Variants in RAMP1 observed in about 807,000 individuals in gnomAD.
RAMP1 encodes the protein receptor activity modifying protein 1.
Under a neutral mutation model 8.2 loss-of-function variants are expected in RAMP1, and 7 were observed. That is an observed-to-expected ratio of 0.85 (90% CI 0.49 to 1.60). The LOEUF is 1.60. Ranked by LOEUF, RAMP1 falls within the 40% of genes most tolerant of loss-of-function variation. The pLI is 0.00. For missense variants in RAMP1, 192 were observed against 202.4 expected (o/e 0.95, Z 0.31); for synonymous variants, 92 against 84.7 (o/e 1.09, Z -0.47).
chr2:237,859,779 G>A (rs2062114232), intron 1 of RAMP1, 52 bp downstream of exon 1: 4 of 1,466,320 alleles, frequency 2.7e-6, no homozygotes, highest in Non-Finnish European at 2.7e-6. Flanking sequence ...GCCAGCCGGT[G>A]TCCTCTAGGG....
chr2:237,861,663 C>T (rs1206194732), intron 1 of RAMP1, among the ~76,000 whole-genome samples: 1 of 152,058 alleles, frequency 6.6e-6, no homozygotes, highest in Non-Finnish European at 1.5e-5. Context: ...GCCTGGCCAA[C>T]ATGGTGAAAC....
intron 2 of RAMP1, among the ~76,000 whole-genome samples, chr2:237,893,656 C>T (rs573635723): frequency 7.9e-5 from 12 of 152,222 alleles, no homozygotes; most frequent in African/African-American, 2.2e-4. Flanking sequence ...AAAGTAGTTT[C>T]GGCCGGGTAT....
At chr2:237,906,515 C>G (rs1297028831) in intron 2 of RAMP1, among the ~76,000 whole-genome samples, 1 of 152,126 alleles carries the variant, frequency 6.6e-6, no homozygotes, top group African/African-American at 2.4e-5. Flanking sequence ...GATCCATTTA[C>G]TCACTTTCTA....
chr2:237,895,317 G>A (rs1037045976), intron 2 of RAMP1, among the ~76,000 whole-genome samples: 46 of 152,166 alleles, frequency 3.0e-4, no homozygotes, highest in African/African-American at 1.1e-3. Flanking sequence ...GAATGGCATG[G>A]TGGTGGCCCT....
chr2:237,876,355 C>T (rs1177565325), intron 1 of RAMP1, among the ~76,000 whole-genome samples: 1 of 152,200 alleles, frequency 6.6e-6, no homozygotes, highest in Non-Finnish European at 1.5e-5. Context: ...TGGGTGCCCC[C>T]AGCGTCTCCC....
In RAMP1 at chr2:237,859,653, T is replaced by A. The variant is rs540692546; in HGVS notation, c.-23T>A. The A allele has an allele frequency of 8.3e-5, 120 of 1,451,590 alleles. No homozygotes were observed. The African/African-American group carries it at 1.6e-3, about 19-fold the overall frequency. The allele number at this position is 1,451,590 out of a possible 1,614,324, so 89.9% of individuals were successfully genotyped here. ...TCAGCGGGGCGCGTGGCGAGCGGAC[T>A]CGACTCGGCACCGCTGTGCACCATG... On this transcript the variant is annotated 5_prime_UTR_variant, in exon 1 of 3. Coordinates refer to ENST00000254661, the MANE Select transcript of RAMP1 (RefSeq NM_005855.4).
At chr2:237,866,152 G>A (rs963309855) in intron 1 of RAMP1, among the ~76,000 whole-genome samples, 2 of 152,012 alleles carry the variant, frequency 1.3e-5, no homozygotes, top group South Asian at 2.1e-4. Flanking sequence ...CCACCCCCAC[G>A]TCTGCATCCA....
chr2:237,890,617 C>G (rs1172294051), intron 2 of RAMP1, among the ~76,000 whole-genome samples: 1 of 152,232 alleles, frequency 6.6e-6, no homozygotes, highest in Non-Finnish European at 1.5e-5. Flanking sequence ...ACTTCCTCCA[C>G]TATTGATTTA....
intron 2 of RAMP1, among the ~76,000 whole-genome samples, chr2:237,897,741 G>C (rs907224088): frequency 6.9e-6 from 1 of 145,346 alleles, no homozygotes; most frequent in Non-Finnish European, 1.5e-5. Flanking sequence ...TCTCGTGGAT[G>C]CTGTCATTCT....
At chr2:237,910,604 C>G (rs1189894777) in intron 2 of RAMP1, among the ~76,000 whole-genome samples, 1 of 148,518 alleles carries the variant, frequency 6.7e-6, no homozygotes, top group Non-Finnish European at 1.5e-5. Flanking sequence ...AACACAGTCA[C>G]ACAGTCACAC....
intron 2 of RAMP1, among the ~76,000 whole-genome samples, chr2:237,889,311 G>A (rs1041138983): frequency 1.3e-5 from 2 of 152,194 alleles, no homozygotes; most frequent in African/African-American, 2.4e-5. Flanking sequence ...TATGTTCTGT[G>A]TCTTTGTAGT....
chr2:237,912,102 T>A lies in RAMP1; in HGVS notation c.*319T>A. On this transcript the variant is annotated 3_prime_UTR_variant, in exon 3 of 3. Transcript: ENST00000254661. ...TGGTTTGTGATTAAAAGGGATGTTC[T>A]TGAACTTGGAAAGACTCATTATCTC... is the stretch of plus-strand genomic sequence containing the variant. 2.7e-6 allele frequency: 1 copy of A among 367,556 alleles called. No individual in the cohort carries two copies. Among genetic ancestry groups the A allele is most frequent in the Non-Finnish European group, 5.0e-6 (1 of 199,850 alleles). The allele number at this position is 367,556 out of a possible 1,614,324, so 22.8% of individuals were successfully genotyped here.
intron 1 of RAMP1, among the ~76,000 whole-genome samples, chr2:237,874,020 TCCC>T (rs1478873824): frequency 6.6e-6 from 1 of 152,146 alleles, no homozygotes; most frequent in African/African-American, 2.4e-5. Context: ...GGTATGGCAG[TCCC>T]GCCCCTTGGG....
intron 1 of RAMP1, among the ~76,000 whole-genome samples, chr2:237,872,244 C>A (rs982314285): frequency 6.6e-6 from 1 of 152,210 alleles, no homozygotes. Context: ...CTCGGCCTGC[C>A]CTGGTGCTGC....
At position 237,862,414 on chromosome 2, in the gene RAMP1, C is replaced by T. The variant is rs1415378299; in HGVS notation, c.52+2687C>T. ...GCATGCCTGTCAGCGTGCTTATTAC[C>T]AGTCCGAGGCCAGGGCTGTTGAGAA... On this transcript the variant is annotated intron_variant, in intron 1 of 2. Coordinates refer to ENST00000254661, the MANE Select transcript of RAMP1 (RefSeq NM_005855.4). This position sits in a 1 kb window ranked among gnomAD's most constrained non-coding sequence, Gnocchi z 4.0. 6.6e-6 allele frequency among the ~76,000 whole-genome samples: 1 copy of T among 152,176 alleles called. No individual in the cohort carries two copies. The highest frequency in any genetic ancestry group is 1.5e-5 in the Non-Finnish European group (1 of 68,026).
At chr2:237,902,635 G>C (rs955711388) in intron 2 of RAMP1, among the ~76,000 whole-genome samples, 17 of 151,962 alleles carry the variant, frequency 1.1e-4, no homozygotes, top group African/African-American at 3.9e-4. Flanking sequence ...CCAACGCCCC[G>C]TCCCCGCTCC....
intron 1 of RAMP1, among the ~76,000 whole-genome samples, chr2:237,873,620 T>C (rs13403325): frequency 0.026 from 3,996 of 152,294 alleles, 169 homozygotes; most frequent in African/African-American, 0.089. Flanking sequence ...CGCCGAGGGC[T>C]GAGTGAGGAG....
At chr2:237,860,295 A>T (rs2062120018) in intron 1 of RAMP1, among the ~76,000 whole-genome samples, 1 of 152,230 alleles carries the variant, frequency 6.6e-6, no homozygotes, top group Non-Finnish European at 1.5e-5. Context: ...AAATGAGGCC[A>T]GCCCTTTTCG....
intron 2 of RAMP1, among the ~76,000 whole-genome samples, chr2:237,893,615 T>C (rs2062508066): frequency 2.6e-5 from 4 of 152,254 alleles, no homozygotes; most frequent in Non-Finnish European, 4.4e-5. Context: ...TTTTACTTCC[T>C]GTAATACAAA....
Sources: gnomAD v4.1 joint callset for allele counts (sites outside exome capture counted in the v4.1 genomes callset) on GRCh38, gnomAD v4.1.1 for gene constraint, Gnocchi (gnomAD v3.1) non-coding constraint, MANE v1.5 for transcripts, NCBI Gene and HGNC (gene_info 2026-07-23, HGNC 2026-07-21) for gene names.